MCF2L: variants seen among roughly 807,000 people sequenced by gnomAD.
MCF2L encodes the protein MCF.2 cell line derived transforming sequence like.
A neutral mutation model predicts 153.4 loss-of-function variants in MCF2L; 97 were observed. That is an observed-to-expected ratio of 0.63 (90% CI 0.54 to 0.75). The LOEUF is 0.75. Among genes scored for constraint, MCF2L ranks in the 30% least tolerant of loss-of-function variants. The pLI is 0.00. For synonymous variants in MCF2L, 659 were observed against 632.2 expected (o/e 1.04, Z -0.64); for missense variants, 1,347 against 1,495.2 (o/e 0.90, Z 1.64).
chr13:113,082,401 C>A, intron 16 of MCF2L, 26 bp from the exon 17 acceptor site: 2 of 1,502,266 alleles, frequency 1.3e-6, no homozygotes, highest in Non-Finnish European at 9.3e-7. Flanking sequence ...CCAGGACCCC[C>A]GCCGACCTCT....
chr13:113,091,154 G>C (rs1031292967), intron 26 of MCF2L: 1 of 1,301,156 alleles, frequency 7.7e-7, no homozygotes, highest in South Asian at 1.2e-5. Flanking sequence ...AAAGCCAAGC[G>C]GCATGAAGTA....
chr13:112,970,389 G>A (rs1268292155), intron 1 of MCF2L, among the ~76,000 whole-genome samples: 12 of 152,292 alleles, frequency 7.9e-5, no homozygotes, highest in East Asian at 1.9e-4. Flanking sequence ...AAGCACCATC[G>A]TATGGGATGG....
chr13:112,906,783 G>A (rs901844638), intron 2 of MCF2L, among the ~76,000 whole-genome samples: 3 of 152,176 alleles, frequency 2.0e-5, no homozygotes, highest in Non-Finnish European at 4.4e-5. Context: ...GGTGCCCCCG[G>A]CACAGGCGAG....
At chr13:113,076,822 CATGG>C (rs2033532205) in intron 12 of MCF2L, among the ~76,000 whole-genome samples, 2 of 152,256 alleles carry the variant, frequency 1.3e-5, no homozygotes, top group African/African-American at 4.8e-5. Flanking sequence ...CCCTCCCTCG[CATGG>C]AGCTGCCCTT....
Position 113,082,421 on chromosome 13 carries a change from C to T in MCF2L, c.1876-6C>T. The stretch of plus-strand genomic sequence containing the variant: ...ACCCCCGCCGACCTCTGCGCTCTCC[C>T]TGCAGGGCTACGCCGCGGAGATGGA... On this transcript the variant is annotated splice_region_variant and splice_polypyrimidine_tract_variant and intron_variant, in intron 16 of 29. Transcript: ENST00000535094. The T allele has an allele frequency of 1.2e-6, 2 of 1,603,426 alleles. No individual in the cohort carries two copies. Among genetic ancestry groups the T allele is most frequent in the Non-Finnish European group, 1.7e-6 (2 of 1,170,508 alleles).
rs994118726 is a variant in MCF2L, at chr13:113,097,689, T to A, written c.*830T>A. On this transcript the variant is annotated 3_prime_UTR_variant, in exon 30 of 30. Coordinates refer to ENST00000535094, the MANE Select transcript of MCF2L (RefSeq NM_001112732.3). The stretch of plus-strand genomic sequence containing the variant: ...AAAAAATGCAGGGACTTGATTTTTT[T>A]AAAGAGCTTCACTGAATTAGGATAT... 2.0e-5 allele frequency: 3 copies of A among 152,246 alleles called. No individual in the cohort carries two copies. Among genetic ancestry groups the A allele is most frequent in the Non-Finnish European group, 4.4e-5 (3 of 68,034 alleles). 9.4% of individuals were successfully genotyped at this position (152,246 alleles called of 1,614,324 possible). A position where few individuals can be genotyped will look rare whatever the true frequency, so the allele number is the denominator to read the frequency against.
At chr13:112,987,253 C>T (rs937298894) in intron 1 of MCF2L, among the ~76,000 whole-genome samples, 3 of 152,174 alleles carry the variant, frequency 2.0e-5, no homozygotes, top group African/African-American at 4.8e-5. Context: ...CCCCTTCCAG[C>T]GCTTTCCCGA....
rs556964257 is a variant in MCF2L, at chr13:112,969,646, C to A, written c.79+188C>A. Reference sequence around the variant, plus strand: ...AGGCTGTCGGCGATCGTATGCTGCCCGGGATAGTCAAAATGACTGCACGTT... The same window carrying A: ...AGGCTGTCGGCGATCGTATGCTGCCAGGGATAGTCAAAATGACTGCACGTT... On this transcript the variant is annotated intron_variant, in intron 1 of 29. Transcript: ENST00000535094. The surrounding 1 kb of genome is among the most constrained non-coding windows in gnomAD (Gnocchi z 4.8). The A allele has an allele frequency of 5.2e-5, 30 of 571,804 alleles. 1 individual carries two copies. In the East Asian group the frequency reaches 4.2e-3, roughly 79 times the overall value. 35.4% of individuals were successfully genotyped at this position (571,804 alleles called of 1,614,324 possible). A position where few individuals can be genotyped will look rare whatever the true frequency, so the allele number is the denominator to read the frequency against.
chr13:113,061,554 G>A (rs537612756), intron 5 of MCF2L, among the ~76,000 whole-genome samples: 2 of 152,216 alleles, frequency 1.3e-5, no homozygotes, highest in East Asian at 1.9e-4. Flanking sequence ...CTCCCTGTGC[G>A]CTGGGAATCA....
chr13:112,987,578 G>T (rs1180440679), intron 1 of MCF2L, among the ~76,000 whole-genome samples: 1 of 152,054 alleles, frequency 6.6e-6, no homozygotes, highest in South Asian at 2.1e-4. Flanking sequence ...GGCCGGGTGT[G>T]AGGTCTCGGC....
intron 12 of MCF2L, among the ~76,000 whole-genome samples, 194 bp downstream of exon 12, chr13:113,076,351 G>A (rs1286989513): frequency 2.0e-5 from 3 of 151,972 alleles, no homozygotes; most frequent in Non-Finnish European, 2.9e-5. Context: ...TGCAATCTCC[G>A]CCTCCCAGGT....
At chr13:112,987,887 C>G (rs1428052899) in intron 1 of MCF2L, among the ~76,000 whole-genome samples, 1 of 152,232 alleles carries the variant, frequency 6.6e-6, no homozygotes, top group Non-Finnish European at 1.5e-5. Flanking sequence ...CTGACCCTGC[C>G]CAGCCCACAA....
chr13:112,921,337 A>G (rs1469836494), intron 2 of MCF2L, among the ~76,000 whole-genome samples: 2 of 152,236 alleles, frequency 1.3e-5, no homozygotes, highest in South Asian at 2.1e-4. Flanking sequence ...ATTCAGAGCA[A>G]AAGCCTTGAA....
At chr13:112,956,292 C>T (rs954407171) in intron 2 of MCF2L, 2 of 152,212 alleles carry the variant, frequency 1.3e-5, no homozygotes, top group African/African-American at 4.8e-5. Flanking sequence ...AAATGTTTCA[C>T]CTTTTAAAAA....
At position 113,074,342 on chromosome 13, in the gene MCF2L, G is replaced by T; in HGVS notation, c.997-102G>T. The T allele has an allele frequency of 6.8e-7, 1 of 1,476,408 alleles. No homozygotes were observed. Among genetic ancestry groups the T allele is most frequent in the Non-Finnish European group, 9.3e-7 (1 of 1,071,936 alleles). The allele number at this position is 1,476,408 out of a possible 1,614,324, so 91.5% of individuals were successfully genotyped here. A position where few individuals can be genotyped will look rare whatever the true frequency, so the allele number is the denominator to read the frequency against. On this transcript the variant is annotated intron_variant, in intron 9 of 29. Transcript: ENST00000535094. The surrounding 1 kb of genome is among the most constrained non-coding windows in gnomAD (Gnocchi z 4.2). Reference sequence around the variant, plus strand: ...TGCTTGATTGATGACCACTTGGCCCGACTTTGAATTCTGTCATTTCCCTGA... The same window carrying T: ...TGCTTGATTGATGACCACTTGGCCCTACTTTGAATTCTGTCATTTCCCTGA...
At chr13:113,062,980 G>A (rs1014229482) in intron 5 of MCF2L, among the ~76,000 whole-genome samples, 8 of 152,224 alleles carry the variant, frequency 5.3e-5, no homozygotes, top group Non-Finnish European at 1.0e-4. Flanking sequence ...AATGACCGCG[G>A]GGTATTTTCG....
intron 27 of MCF2L, chr13:113,096,165 T>G: frequency 3.3e-6 from 2 of 597,158 alleles, no homozygotes; most frequent in Non-Finnish European, 5.9e-6. Flanking sequence ...CAAAGACAGA[T>G]TCACAGACGC....
rs997547045 is a variant in MCF2L, at chr13:113,028,232, C to T, written c.278+3474C>T. 6.6e-6 allele frequency among the ~76,000 whole-genome samples: 1 copy of T among 152,132 alleles called. No individual in the cohort carries two copies. The highest frequency in any genetic ancestry group is 2.4e-5 in the African/African-American group (1 of 41,422). The stretch of plus-strand genomic sequence containing the variant: ...TTTCTCAAGATTTTTCTAGAATCTG[C>T]GGAGTTCCTTAGCTACCCACATCCC... On this transcript the variant is annotated intron_variant, in intron 3 of 29. Coordinates refer to ENST00000535094, the MANE Select transcript of MCF2L (RefSeq NM_001112732.3). The surrounding 1 kb of genome is among the most constrained non-coding windows in gnomAD (Gnocchi z 5.4).
chr13:112,902,203 A>C, exon 2 of MCF2L: 1 of 1,612,200 alleles, frequency 6.2e-7, no homozygotes, highest in Non-Finnish European at 8.5e-7. Flanking sequence ...CTGCAGCCTC[A>C]TGTTTGACTG....
Sources: allele counts gnomAD v4.1 joint callset (sites outside exome capture counted in the v4.1 genomes callset), GRCh38; gene constraint gnomAD v4.1.1; non-coding constraint Gnocchi (gnomAD v3.1); transcripts MANE v1.5; gene names NCBI Gene and HGNC (gene_info 2026-07-23, HGNC 2026-07-21).